VPS13D: variants seen among roughly 807,000 people sequenced by gnomAD.
VPS13D encodes the protein vacuolar protein sorting 13 homolog D.
A neutral mutation model predicts 461.9 loss-of-function variants in VPS13D; 187 were observed. The observed-to-expected ratio is 0.40, with a 90% CI of 0.36 to 0.46. The LOEUF is 0.46. Ranked by LOEUF, VPS13D falls within the 20% of genes least tolerant of loss-of-function variation. The probability of loss-of-function intolerance (pLI) is 0.60; values close to 1 mark genes in which losing one functional copy is unlikely to be tolerated. For synonymous variants in VPS13D, 1,951 were observed against 1,986.3 expected (o/e 0.98, Z 0.47); for missense variants, 4,711 against 5,364.9 (o/e 0.88, Z 3.81).
chr1:12,428,420 T>C (rs1644952800), intron 65 of VPS13D, among the ~76,000 whole-genome samples: 1 of 152,234 alleles, frequency 6.6e-6, no homozygotes, highest in Non-Finnish European at 1.5e-5. Context: ...GGACATTTTC[T>C]AGTTAGGCAC....
intron 65 of VPS13D, among the ~76,000 whole-genome samples, chr1:12,441,812 C>G (rs1307329232): frequency 1.3e-5 from 2 of 152,156 alleles, no homozygotes; most frequent in Non-Finnish European, 2.9e-5. Flanking sequence ...CATCTAAAGT[C>G]TATGTGGAAG....
At chr1:12,499,845 C>G in intron 68 of VPS13D, 2 of 985,404 alleles carry the variant, frequency 2.0e-6, no homozygotes, top group Non-Finnish European at 2.4e-6. Context: ...GAACATTACA[C>G]TCATCACTCT....
chr1:12,507,465 C>T lies in VPS13D; in HGVS notation c.13035+372C>T, dbSNP rs1048059922. The T allele has an allele frequency of 2.1e-6, 1 of 475,914 alleles. No individual in the cohort carries two copies. Among genetic ancestry groups the T allele is most frequent in the African/African-American group, 2.0e-5 (1 of 51,218 alleles). 29.5% of individuals were successfully genotyped at this position (475,914 alleles called of 1,614,324 possible). A position where few individuals can be genotyped will look rare whatever the true frequency, so the allele number is the denominator to read the frequency against. On this transcript the variant is annotated intron_variant, in intron 69 of 69. Transcript: ENST00000620676. This position sits in a 1 kb window ranked among gnomAD's most constrained non-coding sequence, Gnocchi z 5.3. Reference sequence around the variant, plus strand: ...TCAGTGCACCAAATCGAAGAAAGCACTGGAGCTCACGCTGGTTTCTCCATT... The same window carrying T: ...TCAGTGCACCAAATCGAAGAAAGCATTGGAGCTCACGCTGGTTTCTCCATT...
intron 47 of VPS13D, among the ~76,000 whole-genome samples, chr1:12,355,576 A>T (rs1024359184): frequency 5.9e-5 from 9 of 152,142 alleles, no homozygotes; most frequent in African/African-American, 2.2e-4. Flanking sequence ...TCGATTAAAA[A>T]TTTAATTTTT....
rs554834235 is a variant in VPS13D at position 12,385,925 on chromosome 1, G to A, written c.11485-260G>A. Among the ~76,000 whole-genome samples the A allele has an allele frequency of 2.6e-5, 4 of 152,270 alleles. No homozygotes were observed. The South Asian group carries it at 8.3e-4, about 32-fold the overall frequency. On this transcript the variant is annotated intron_variant, in intron 59 of 69. Transcript: ENST00000620676. ...AGATTTCTATAATGAAATGCAGAAT[G>A]TCATCAGTCCTTTGATAGAGGTATC...
At position 12,327,787 on chromosome 1, in the gene VPS13D, T is replaced by C; in HGVS notation, c.8130T>C (p.Ser2710=). The C allele has an allele frequency of 1.2e-6, 2 of 1,613,802 alleles. No individual in the cohort carries two copies. Among genetic ancestry groups the C allele is most frequent in the Admixed American group, 1.7e-5 (1 of 59,982 alleles). The part of the protein sequence containing the change: ...LISGVEIKAE[S]VCICFIDDCM... ...CTGGCGTGGAGATCAAAGCTGAGAG[T>C]GTGTGCATCTGTTTCATCGATGACT... is the stretch of plus-strand genomic sequence containing the variant. Residue 2710 remains serine, a synonymous_variant, in exon 36 of 70, where the codon AGT becomes AGC. Transcript: ENST00000620676.
chr1:12,333,512 ATAGC>A (rs1643380862), intron 38 of VPS13D, 146 bp downstream of exon 38: 1 of 969,722 alleles, frequency 1.0e-6, no homozygotes, highest in South Asian at 1.8e-5. Flanking sequence ...ATCAACCCTA[ATAGC>A]CTCTTGATTC....
intron 60 of VPS13D, 70 bp from the exon 61 acceptor site, chr1:12,400,111 A>G (rs1644554877): frequency 6.4e-7 from 1 of 1,561,380 alleles, no homozygotes; most frequent in African/African-American, 1.4e-5. Context: ...GGCCCCACTC[A>G]AGCGTAAAAA....
rs780761818 is a variant in VPS13D, at chr1:12,314,345, T to G, written c.7148+18T>G. ...CATTTCAGGTAGCAGGTCCAGACCC[T>G]TCTCTGCCTTTCTTTGTGGAGACAT... On this transcript the variant is annotated intron_variant, in intron 30 of 69. Coordinates refer to ENST00000620676, the MANE Select transcript of VPS13D (RefSeq NM_015378.4). 6.3e-7 allele frequency: 1 copy of G among 1,597,358 alleles called. No individual in the cohort carries two copies. The highest frequency in any genetic ancestry group is 1.1e-5 in the South Asian group (1 of 90,400).
intron 65 of VPS13D, among the ~76,000 whole-genome samples, chr1:12,444,007 G>A (rs368221031): frequency 3.3e-5 from 5 of 151,834 alleles, no homozygotes; most frequent in Non-Finnish European, 7.4e-5. Flanking sequence ...CATCGTGCCC[G>A]GCTAACTTGT....
chr1:12,302,245 A>G (rs935905409), intron 25 of VPS13D, among the ~76,000 whole-genome samples: 6 of 152,230 alleles, frequency 3.9e-5, no homozygotes, highest in African/African-American at 4.8e-5. Context: ...GCGGTGCACA[A>G]CTGTATTTAT....
rs79107130 is a variant in VPS13D, at chr1:12,364,460, G to A, written c.10448+1213G>A. ...CTGCTGCGAACATAGGTTCGCATAT[G>A]GGTTCAAGACCCTGCTTTCAGTTAT... On this transcript the variant is annotated intron_variant, in intron 52 of 69. Transcript: ENST00000620676. 9.9e-3 allele frequency among the ~76,000 whole-genome samples: 1,504 copies of A among 152,286 alleles called. 18 individuals are homozygous for A. Among genetic ancestry groups the A allele is most frequent in the African/African-American group, 0.034 (1,403 of 41,540 alleles).
At chr1:12,367,643 C>T (rs901294273) in intron 52 of VPS13D, 3 of 151,798 alleles carry the variant, frequency 2.0e-5, no homozygotes, top group Non-Finnish European at 4.4e-5. Context: ...GGCACAATCT[C>T]GGCTCCCTGG....
intron 65 of VPS13D, among the ~76,000 whole-genome samples, chr1:12,419,929 T>C (rs1004709159): frequency 3.3e-5 from 5 of 152,126 alleles, no homozygotes; most frequent in Non-Finnish European, 7.3e-5. Context: ...GCCGCAAAAC[T>C]GTACAGCATG....
At chr1:12,270,414 G>A (rs1302544633) in intron 16 of VPS13D, among the ~76,000 whole-genome samples, 3 of 152,246 alleles carry the variant, frequency 2.0e-5, no homozygotes, top group South Asian at 2.1e-4. Flanking sequence ...TCATGCCACT[G>A]CACTCCAGCC....
At chr1:12,462,351 C>G (rs184834804) in intron 67 of VPS13D, among the ~76,000 whole-genome samples, 6 of 152,126 alleles carry the variant, frequency 3.9e-5, no homozygotes, top group Admixed American at 3.3e-4. Flanking sequence ...TAGGAGTTGG[C>G]CAGGTGAAGA....
At chr1:12,394,713 C>G (rs1302690219) in intron 60 of VPS13D, among the ~76,000 whole-genome samples, 1 of 152,170 alleles carries the variant, frequency 6.6e-6, no homozygotes, top group Non-Finnish European at 1.5e-5. Context: ...TCTCCCTAAT[C>G]CTTTGGATCC....
At chr1:12,342,823 T>A (rs987274801) in intron 41 of VPS13D, 76 bp from the exon 42 acceptor site, 3 of 1,489,014 alleles carry the variant, frequency 2.0e-6, no homozygotes, top group Non-Finnish European at 1.8e-6. Flanking sequence ...AAGGTTCTGC[T>A]CTTCTGCACG....
intron 63 of VPS13D, among the ~76,000 whole-genome samples, 160 bp downstream of exon 63, chr1:12,404,133 CAGA>C (rs1007186986): frequency 5.8e-4 from 81 of 139,842 alleles, no homozygotes; most frequent in African/African-American, 2.0e-3. Flanking sequence ...TTTCCTTTTT[CAGA>C]AGGTTTATTG....
Sources: allele counts gnomAD v4.1 joint callset (sites outside exome capture counted in the v4.1 genomes callset), GRCh38; gene constraint gnomAD v4.1.1; non-coding constraint Gnocchi (gnomAD v3.1); transcripts MANE v1.5; gene names NCBI Gene and HGNC (gene_info 2026-07-23, HGNC 2026-07-21).